OPN3: variants seen among roughly 807,000 people sequenced by gnomAD.
OPN3 encodes opsin-3.
Under a neutral mutation model 33.8 loss-of-function variants are expected in OPN3, and 29 were observed. The ratio of observed to expected loss-of-function variants is 0.86; its 90% confidence interval spans 0.64 to 1.17. OPN3 has a LOEUF of 1.17. Among genes scored for constraint, OPN3 ranks in the 50% most tolerant of loss-of-function variants. The probability of loss-of-function intolerance (pLI) is 0.00; values close to 1 mark genes in which losing one functional copy is unlikely to be tolerated. For synonymous variants in OPN3, 216 were observed against 216.1 expected (o/e 1.00, Z 0.00); for missense variants, 437 against 514.1 (o/e 0.85, Z 1.45).
intron 2 of OPN3, among the ~76,000 whole-genome samples, chr1:241,601,604 G>A (rs1406776426): frequency 6.6e-6 from 1 of 152,148 alleles, no homozygotes; most frequent in Non-Finnish European, 1.5e-5. Context: ...TACTCAGGAG[G>A]CTGAGGCAGG....
chr1:241,613,654 G>A (rs965678089), intron 1 of OPN3, among the ~76,000 whole-genome samples: 4 of 152,132 alleles, frequency 2.6e-5, no homozygotes, highest in Non-Finnish European at 4.4e-5. Context: ...TCTCTCAGCT[G>A]TTAGAATGAG....
Position 241,640,341 on chromosome 1 carries a change from T to C in OPN3, c.-87A>G, listed in dbSNP as rs1573971534. The stretch of plus-strand genomic sequence containing the variant: ...GCTCCGCACTGGGTGGGGTTGGGGC[T>C]CCGCCGCCTGCTCTAGCCATTGTGC... On this transcript the variant is annotated 5_prime_UTR_variant, in exon 1 of 4. Transcript: ENST00000366554. The C allele has an allele frequency of 9.4e-7, 1 of 1,066,760 alleles. No homozygotes were observed. Among genetic ancestry groups the C allele is most frequent in the Non-Finnish European group, 1.1e-6 (1 of 885,456 alleles). 66.1% of individuals were successfully genotyped at this position (1,066,760 alleles called of 1,614,324 possible).
At chr1:241,604,199 A>G in intron 2 of OPN3, 61 bp downstream of exon 2, 1 of 1,481,534 alleles carries the variant, frequency 6.7e-7, no homozygotes, top group Non-Finnish European at 9.3e-7. Flanking sequence ...ATTATTTTCC[A>G]GACAAAATTT....
chr1:241,630,417 T>G (rs1009191137), intron 1 of OPN3: 3 of 152,122 alleles, frequency 2.0e-5, no homozygotes, highest in Non-Finnish European at 4.4e-5. Context: ...CAAACACACT[T>G]TTTAAATTGC....
intron 1 of OPN3, among the ~76,000 whole-genome samples, chr1:241,628,458 T>C (rs1664487513): frequency 6.6e-6 from 1 of 152,182 alleles, no homozygotes; most frequent in Admixed American, 6.5e-5. Flanking sequence ...TGTCGCATCC[T>C]CAGTCCCCCA....
At chr1:241,613,571 AT>A (rs892510428) in intron 1 of OPN3, among the ~76,000 whole-genome samples, 9 of 152,162 alleles carry the variant, frequency 5.9e-5, no homozygotes, top group African/African-American at 2.2e-4. Flanking sequence ...AGAAGAAGTC[AT>A]TTTTTTAAAC....
rs552769917 is a variant in OPN3 at position 241,603,965 on chromosome 1, A to T, written c.693+295T>A. Among the ~76,000 whole-genome samples, 130 of 152,172 alleles carry T rather than the reference A, an allele frequency of 8.5e-4. 1 individual carries two copies. The highest frequency in any genetic ancestry group is 1.6e-3 in the Non-Finnish European group (112 of 68,036). On this transcript the variant is annotated intron_variant, in intron 2 of 3. Coordinates refer to ENST00000366554, the MANE Select transcript of OPN3 (RefSeq NM_014322.3). ...TGGAGTTCCCTCTTTTAAATTCTTA[A>T]ATTTTAAGAGTGTTGGATAATGTAG...
At chr1:241,632,451 T>C (rs895952276) in intron 1 of OPN3, 2 of 152,158 alleles carry the variant, frequency 1.3e-5, no homozygotes, top group African/African-American at 2.4e-5. Context: ...TGATAAATAC[T>C]ATTTCAGAGC....
In OPN3 at chr1:241,634,295, A is replaced by T. The variant is rs761610842; in HGVS notation, c.373+5587T>A. 6.3e-5 allele frequency: 101 copies of T among 1,613,854 alleles called. No individual in the cohort carries two copies. Among genetic ancestry groups the T allele is most frequent in the Admixed American group, 1.0e-4 (6 of 59,984 alleles). On this transcript the variant is annotated intron_variant, in intron 1 of 3. Transcript: ENST00000366554. ...CATGGTTGAAGAACATAATTCTGTG[A>T]CCCGTACAGCACAAGCTCCTGGCTC...
Position 241,634,816 on chromosome 1 carries a change from G to A in OPN3, c.373+5066C>T, listed in dbSNP as rs1191662574. 6.2e-6 allele frequency: 10 copies of A among 1,613,446 alleles called. No individual in the cohort carries two copies. In the Admixed American group the frequency reaches 1.7e-4, roughly 27 times the overall value. Reference sequence around the variant, plus strand: ...AGTATTCTGAAAATGAACACTGCCTGAAAGCTTGGTATTCATCAGGATGTT... The same window carrying A: ...AGTATTCTGAAAATGAACACTGCCTAAAAGCTTGGTATTCATCAGGATGTT... On this transcript the variant is annotated intron_variant, in intron 1 of 3. Coordinates refer to ENST00000366554, the MANE Select transcript of OPN3 (RefSeq NM_014322.3).
At chr1:241,632,004 A>C (rs139683233) in intron 1 of OPN3, 37 of 152,218 alleles carry the variant, frequency 2.4e-4, no homozygotes, top group African/African-American at 7.9e-4. Flanking sequence ...TTCTTCTTTG[A>C]AGGTGATATG....
intron 1 of OPN3, among the ~76,000 whole-genome samples, chr1:241,618,668 C>G (rs1192094524): frequency 6.6e-6 from 1 of 152,114 alleles, no homozygotes; most frequent in African/African-American, 2.4e-5. Flanking sequence ...TGACCTCCAT[C>G]GTTTTCAGCA....
chr1:241,609,190 A>G (rs538293244), intron 1 of OPN3, among the ~76,000 whole-genome samples: 1 of 152,308 alleles, frequency 6.6e-6, no homozygotes, highest in Non-Finnish European at 1.5e-5. Context: ...TTCCGTGAAC[A>G]CTGAAAAGCA....
chr1:241,632,625 G>T (rs1156923082), intron 1 of OPN3: 1 of 152,040 alleles, frequency 6.6e-6, no homozygotes. Flanking sequence ...TCTATACTCT[G>T]GATAACAGCT....
chr1:241,617,335 T>C (rs1664158352), intron 1 of OPN3, among the ~76,000 whole-genome samples: 1 of 152,206 alleles, frequency 6.6e-6, no homozygotes, highest in Admixed American at 6.5e-5. Flanking sequence ...TATGAAAACA[T>C]TCAACACATG....
At chr1:241,626,653 A>G (rs1227648282) in intron 1 of OPN3, among the ~76,000 whole-genome samples, 1 of 152,216 alleles carries the variant, frequency 6.6e-6, no homozygotes, top group Non-Finnish European at 1.5e-5. Flanking sequence ...CTGGTAAAAT[A>G]CTGCAATGGT....
At chr1:241,639,242 C>A (rs1665018705) in intron 1 of OPN3, 1 of 152,202 alleles carries the variant, frequency 6.6e-6, no homozygotes, top group Admixed American at 6.5e-5. Context: ...GTGCTGGAAC[C>A]CATCTATAAG....
In OPN3 at chr1:241,613,733, A is replaced by G. The variant is rs76720027; in HGVS notation, c.374-9154T>C. ...AAGTGGTAGTTGGTTTTTATTATAC[A>G]TGTTTTCCACATCAGGATGTGGAAA... On this transcript the variant is annotated intron_variant, in intron 1 of 3. Coordinates refer to ENST00000366554, the MANE Select transcript of OPN3 (RefSeq NM_014322.3). Among the ~76,000 whole-genome samples, 454 of 152,258 alleles carry G rather than the reference A, an allele frequency of 3.0e-3. 16 individuals are homozygous for G. In the East Asian group the frequency reaches 0.071, roughly 24 times the overall value.
chr1:241,616,054 A>G, intron 1 of OPN3: 1 of 437,740 alleles, frequency 2.3e-6, no homozygotes, highest in Non-Finnish European at 4.6e-6. Flanking sequence ...GGTTGTTTCA[A>G]GCTGCGTTAG....
Sources: allele counts gnomAD v4.1 joint callset (sites outside exome capture counted in the v4.1 genomes callset), GRCh38; gene constraint gnomAD v4.1.1; transcripts MANE v1.5; gene names NCBI Gene and HGNC (gene_info 2026-07-23, HGNC 2026-07-21).